The following POLR3B variants were observed in gnomAD, a reference collection of about 807,000 sequenced individuals.
POLR3B encodes RNA polymerase III subunit B.
In POLR3B, 96 loss-of-function variants were observed where a neutral mutation model predicts 147.4. That is an observed-to-expected ratio of 0.65 (90% CI 0.55 to 0.77). The LOEUF is 0.77. POLR3B is among the 30% of genes least tolerant of loss of function. The pLI, the probability that POLR3B is intolerant of heterozygous loss-of-function variation, is 0.00. For synonymous variants in POLR3B, 461 were observed against 485.9 expected (o/e 0.95, Z 0.67); for missense variants, 1,036 against 1,413.5 (o/e 0.73, Z 4.28).
At position 106,373,753 on chromosome 12, in the gene POLR3B, C is replaced by CA. The variant is rs577790126; in HGVS notation, c.405-2594dup. ...TGGGCAACAGAGCGAGACTCCATCT[C>CA]AAAAAAAAAAAATCTCTTAAATGTC... On this transcript the variant is annotated intron_variant, in intron 6 of 27. Transcript: ENST00000228347. 1.3e-3 allele frequency among the ~76,000 whole-genome samples: 183 copies of CA among 138,406 alleles called. 1 individual carries two copies. The South Asian group carries it at 0.027, about 20-fold the overall frequency. 90.8% of individuals were successfully genotyped at this position (138,406 alleles called of 152,430 possible).
At chr12:106,391,287 A>G (rs1405524680) in intron 9 of POLR3B, among the ~76,000 whole-genome samples, 1 of 152,100 alleles carries the variant, frequency 6.6e-6, no homozygotes, top group Non-Finnish European at 1.5e-5. Context: ...GAGCACTTTC[A>G]GACAGAGCAA....
At chr12:106,446,236 T>A (rs1428671271) in intron 19 of POLR3B, 2 of 455,934 alleles carry the variant, frequency 4.4e-6, no homozygotes, top group African/African-American at 2.0e-5. Flanking sequence ...ACACCTTTTG[T>A]GTAGAACCTT....
chr12:106,427,191 T>TTTA lies in POLR3B; in HGVS notation c.1102-4_1102-3insATT. The TTTA allele has an allele frequency of 6.7e-7, 1 of 1,498,508 alleles. No homozygotes were observed. The allele number at this position is 1,498,508 out of a possible 1,614,324, so 92.8% of individuals were successfully genotyped here. On this transcript the variant is annotated splice_region_variant and splice_polypyrimidine_tract_variant and intron_variant, in intron 12 of 27. Coordinates refer to ENST00000228347, the MANE Select transcript of POLR3B (RefSeq NM_018082.6). ...AATCACCATATACCTTTTTTTTTTT[T>TTTA]TTTAGCTTTTATCTCTTCTTTTTGA... is the stretch of plus-strand genomic sequence containing the variant.
At chr12:106,413,295 G>A (rs140531435) in intron 12 of POLR3B, among the ~76,000 whole-genome samples, 143 of 152,186 alleles carry the variant, frequency 9.4e-4, no homozygotes, top group Middle Eastern at 3.4e-3. Flanking sequence ...TGAGAATTTT[G>A]TTAGATGTAC....
chr12:106,472,006 TC>T (rs1224151794), intron 23 of POLR3B, among the ~76,000 whole-genome samples: 2 of 117,232 alleles, frequency 1.7e-5, no homozygotes, highest in African/African-American at 7.2e-5. Flanking sequence ...ATGCTATCCC[TC>T]CCCCCTCCCC....
At chr12:106,507,244 ATTG>A (rs1349188744) in intron 27 of POLR3B, among the ~76,000 whole-genome samples, 9 of 152,142 alleles carry the variant, frequency 5.9e-5, no homozygotes, top group African/African-American at 1.9e-4. Context: ...CGTTCATTTT[ATTG>A]TTGTTCACGT....
At chr12:106,428,940 CT>C (rs1412802005) in intron 13 of POLR3B, among the ~76,000 whole-genome samples, 2 of 152,168 alleles carry the variant, frequency 1.3e-5, no homozygotes, top group Non-Finnish European at 2.9e-5. Context: ...ATCATCTAAT[CT>C]TTTCCTGAAG....
chr12:106,458,997 T>C (rs1020663278), intron 21 of POLR3B, among the ~76,000 whole-genome samples: 7 of 152,156 alleles, frequency 4.6e-5, no homozygotes, highest in Non-Finnish European at 8.8e-5. Flanking sequence ...GTACTCTGAA[T>C]TATTTTCTTA....
chr12:106,481,368 T>C (rs915288762), intron 23 of POLR3B, among the ~76,000 whole-genome samples: 2 of 152,222 alleles, frequency 1.3e-5, no homozygotes, highest in Non-Finnish European at 2.9e-5. Context: ...ATTTTGAAAG[T>C]AGAGCCTCCT....
chr12:106,451,646 GAGGGGAGGGAAGGA>G (rs1359823692), intron 19 of POLR3B, among the ~76,000 whole-genome samples: 92 of 109,932 alleles, frequency 8.4e-4, no homozygotes, highest in African/African-American at 3.6e-3. Context: ...GGGGGGAGGA[GAGGGGAGGGAAGGA>G]GAGGGGAGGA....
intron 13 of POLR3B, 91 bp downstream of exon 13, chr12:106,427,449 T>C: frequency 5.3e-6 from 6 of 1,140,072 alleles, no homozygotes; most frequent in South Asian, 1.3e-5. Flanking sequence ...AGAATCCAGG[T>C]GAAATATATA....
At chr12:106,486,787 C>G (rs879484657) in intron 23 of POLR3B, among the ~76,000 whole-genome samples, 2 of 152,234 alleles carry the variant, frequency 1.3e-5, no homozygotes, top group Non-Finnish European at 2.9e-5. Context: ...TATCCCCACT[C>G]CCTTCTTTAA....
intron 25 of POLR3B, 128 bp downstream of exon 25, chr12:106,497,046 G>A: frequency 1.2e-6 from 1 of 854,890 alleles, no homozygotes; most frequent in Non-Finnish European, 1.9e-6. Context: ...GGCGGCATGT[G>A]GCCCAGGACG....
At chr12:106,430,153 G>T in intron 13 of POLR3B, 120 bp from the exon 14 acceptor site, 1 of 790,452 alleles carries the variant, frequency 1.3e-6, no homozygotes, top group East Asian at 2.4e-5. Context: ...CTGAATATAT[G>T]TCATGGTTCT....
chr12:106,479,883 A>G lies in POLR3B; in HGVS notation c.2714-16172A>G, dbSNP rs113757102. Among the ~76,000 whole-genome samples, 1,424 of 148,110 alleles carry G rather than the reference A, an allele frequency of 9.6e-3. 10 individuals are homozygous for G. Among genetic ancestry groups the G allele is most frequent in the Non-Finnish European group, 0.016 (1,040 of 67,040 alleles). Reference sequence around the variant, plus strand: ...GGCTGGAGTACAGTGGCACAATCACAGCTCACTGCATCCTCAACCTCCTGG... The same window carrying G: ...GGCTGGAGTACAGTGGCACAATCACGGCTCACTGCATCCTCAACCTCCTGG... On this transcript the variant is annotated intron_variant, in intron 23 of 27. Coordinates refer to ENST00000228347, the MANE Select transcript of POLR3B (RefSeq NM_018082.6).
intron 12 of POLR3B, among the ~76,000 whole-genome samples, chr12:106,420,357 C>T (rs1318284366): frequency 6.6e-6 from 1 of 152,160 alleles, no homozygotes; most frequent in Non-Finnish European, 1.5e-5. Flanking sequence ...CTTCCAGCTA[C>T]TCAAATCCAG....
chr12:106,486,085 C>T (rs911012783), intron 23 of POLR3B, among the ~76,000 whole-genome samples: 10 of 151,710 alleles, frequency 6.6e-5, no homozygotes, highest in Admixed American at 1.3e-4. Context: ...GTCAAGAGAT[C>T]GAGACCGTCC....
At chr12:106,397,853 G>A (rs1400819185) in intron 10 of POLR3B, among the ~76,000 whole-genome samples, 1 of 152,204 alleles carries the variant, frequency 6.6e-6, no homozygotes, top group Admixed American at 6.5e-5. Flanking sequence ...CCTAAGAATA[G>A]AATTGCTGTT....
intron 9 of POLR3B, among the ~76,000 whole-genome samples, chr12:106,386,981 TTACA>T (rs746556303): frequency 1.4e-4 from 21 of 152,300 alleles, no homozygotes; most frequent in Admixed American, 3.3e-4. Context: ...ACGCATATGC[TTACA>T]TACACACAGC....
Sources: gnomAD v4.1 joint callset for allele counts (sites outside exome capture counted in the v4.1 genomes callset) on GRCh38, gnomAD v4.1.1 for gene constraint, MANE v1.5 for transcripts, NCBI Gene and HGNC (gene_info 2026-07-23, HGNC 2026-07-21) for gene names.